Variants in PTH2R observed in about 807,000 individuals in gnomAD.
The protein encoded by PTH2R is parathyroid hormone 2 receptor.
PTH2R carries 59 observed loss-of-function variants against 60.3 expected under a neutral mutation model. That is an observed-to-expected ratio of 0.98 (90% CI 0.79 to 1.22). PTH2R has a LOEUF of 1.22. Among genes scored for constraint, PTH2R ranks in the 50% most tolerant of loss-of-function variants. The probability of loss-of-function intolerance (pLI) is 0.00; values close to 1 mark genes in which losing one functional copy is unlikely to be tolerated. For synonymous variants in PTH2R, 256 were observed against 243.8 expected (o/e 1.05, Z -0.47); for missense variants, 749 against 682.6 (o/e 1.10, Z -1.08).
intron 11 of PTH2R, among the ~76,000 whole-genome samples, chr2:208,490,278 C>T (rs993538035): frequency 6.6e-6 from 1 of 152,012 alleles, no homozygotes; most frequent in Non-Finnish European, 1.5e-5. Context: ...CCATACAATA[C>T]TTTATGTTTG....
chr2:208,384,250 C>T (rs1055785146), intron 1 of PTH2R, among the ~76,000 whole-genome samples: 2 of 152,052 alleles, frequency 1.3e-5, no homozygotes, highest in South Asian at 2.1e-4. Context: ...TAGAAAGAGA[C>T]GGGGAGGACA....
intron 1 of PTH2R, among the ~76,000 whole-genome samples, chr2:208,414,903 TA>T (rs928293870): frequency 1.3e-5 from 2 of 150,666 alleles, no homozygotes; most frequent in Admixed American, 6.6e-5. Context: ...GAGAAAACCA[TA>T]AAAAAAAACC....
chr2:208,462,007 C>T (rs1419455635), intron 9 of PTH2R, among the ~76,000 whole-genome samples: 1 of 152,200 alleles, frequency 6.6e-6, no homozygotes, highest in Non-Finnish European at 1.5e-5. Flanking sequence ...TTCTGAAGTA[C>T]TTTTCCTATA....
intron 1 of PTH2R, among the ~76,000 whole-genome samples, chr2:208,410,662 C>A (rs970826793): frequency 2.0e-5 from 3 of 152,064 alleles, no homozygotes; most frequent in African/African-American, 7.2e-5. Flanking sequence ...TAACATGTGA[C>A]AGAAACAATA....
At chr2:208,441,838 T>A (rs1216091976) in intron 4 of PTH2R, among the ~76,000 whole-genome samples, 2 of 152,218 alleles carry the variant, frequency 1.3e-5, no homozygotes, top group Non-Finnish European at 2.9e-5. Flanking sequence ...GATATTTTAG[T>A]AAAATTACAT....
At chr2:208,407,147 T>G in intron 1 of PTH2R, 29 bp downstream of exon 1, 1 of 1,400,860 alleles carries the variant, frequency 7.1e-7, no homozygotes, top group Non-Finnish European at 9.3e-7. Context: ...CGACACCTGT[T>G]TTCGCGGAGC....
chr2:208,391,748 T>C (rs1360941069), intron 1 of PTH2R, among the ~76,000 whole-genome samples: 3 of 152,192 alleles, frequency 2.0e-5, no homozygotes, highest in African/African-American at 7.2e-5. Flanking sequence ...CTTAATCCGC[T>C]CTTTCCCTAA....
chr2:208,386,324 CTATA>C (rs762607621), intron 1 of PTH2R, among the ~76,000 whole-genome samples: 3 of 152,140 alleles, frequency 2.0e-5, no homozygotes, highest in Non-Finnish European at 2.9e-5. Flanking sequence ...AAGCAGATAG[CTATA>C]TATATGGTAT....
intron 1 of PTH2R, among the ~76,000 whole-genome samples, chr2:208,427,962 T>A (rs1056906435): frequency 6.6e-6 from 1 of 152,012 alleles, no homozygotes; most frequent in African/African-American, 2.4e-5. Context: ...CCTAACTATA[T>A]TAAAATTTTC....
rs182349621 is a variant in PTH2R, at chr2:208,445,515, A to G, written c.853+628A>G. Among the ~76,000 whole-genome samples the G allele has an allele frequency of 2.6e-5, 4 of 152,324 alleles. No individual in the cohort carries two copies. In the East Asian group the frequency reaches 7.7e-4, roughly 29 times the overall value. On this transcript the variant is annotated intron_variant, in intron 7 of 12. Transcript: ENST00000272847. Reference sequence around the variant, plus strand: ...ACTGACTCAACATGACATGGAGAAAAGAAATTGTTTGCTTGTTAAAAATTA... The same window carrying G: ...ACTGACTCAACATGACATGGAGAAAGGAAATTGTTTGCTTGTTAAAAATTA...
intron 8 of PTH2R, among the ~76,000 whole-genome samples, chr2:208,459,113 T>G (rs1702580406): frequency 6.6e-6 from 1 of 152,154 alleles, no homozygotes; most frequent in Admixed American, 6.6e-5. Flanking sequence ...CTCACCAGCA[T>G]CTGTTATTTC....
intron 4 of PTH2R, among the ~76,000 whole-genome samples, chr2:208,438,670 A>G (rs1003211605): frequency 6.6e-6 from 1 of 152,204 alleles, no homozygotes; most frequent in Non-Finnish European, 1.5e-5. Flanking sequence ...TGATGCTAAG[A>G]GTTAATGTGA....
intron 1 of PTH2R, among the ~76,000 whole-genome samples, chr2:208,400,924 A>T (rs1216242671): frequency 6.6e-6 from 1 of 152,190 alleles, no homozygotes; most frequent in African/African-American, 2.4e-5. Context: ...GAGAGAATAA[A>T]AGCAAATTTC....
At chr2:208,417,692 G>A (rs1425644244) in intron 1 of PTH2R, among the ~76,000 whole-genome samples, 1 of 151,772 alleles carries the variant, frequency 6.6e-6, no homozygotes, top group Non-Finnish European at 1.5e-5. Context: ...TGGGATTATG[G>A]GCACATGCCA....
At position 208,382,348 on chromosome 2, in the gene PTH2R, T is replaced by C. The variant is rs946674438; in HGVS notation, c.-259+22111T>C. ...ACGGGAGTGGAATTGCTAGATCATATGGTAAATACTCTGTATACTTAAAAT... is the reference window on the plus strand; with the variant it reads ...ACGGGAGTGGAATTGCTAGATCATACGGTAAATACTCTGTATACTTAAAAT... On this transcript the variant is annotated intron_variant, in intron 1 of 12. Transcript: ENST00000617735. Among the ~76,000 whole-genome samples the C allele has an allele frequency of 3.9e-5, 6 of 152,234 alleles. No homozygotes were observed. The South Asian group carries it at 1.2e-3, about 32-fold the overall frequency.
At chr2:208,450,727 C>T in intron 7 of PTH2R, 22 bp from the exon 8 acceptor site, 1 of 1,611,990 alleles carries the variant, frequency 6.2e-7, no homozygotes, top group South Asian at 1.1e-5. Context: ...AATCTAGTCT[C>T]TGAATCATTT....
At chr2:208,484,837 T>A (rs370109485) in intron 10 of PTH2R, among the ~76,000 whole-genome samples, 5 of 152,324 alleles carry the variant, frequency 3.3e-5, no homozygotes, top group African/African-American at 1.2e-4. Flanking sequence ...CTCTATCCTC[T>A]CTTGGCAATG....
In PTH2R at chr2:208,380,088, A is replaced by G. The variant is rs370143168; in HGVS notation, c.-259+19851A>G. Among the ~76,000 whole-genome samples, 3 of 152,118 alleles carry G rather than the reference A, an allele frequency of 2.0e-5. No homozygotes were observed. The East Asian group carries it at 5.8e-4, about 29-fold the overall frequency. ...CTAAGGACAGCCATGAGGTCAATGA[A>G]TAACATGTGTCAGGTTTCCCTGGCA... On this transcript the variant is annotated intron_variant, in intron 1 of 12. Coordinates refer to the PTH2R transcript ENST00000617735.
chr2:208,359,765 A>G (rs536026138), exon 1 of PTH2R: 1 of 154,174 alleles, frequency 6.5e-6, no homozygotes, highest in African/African-American at 2.4e-5. Flanking sequence ...TCCCTCCCAC[A>G]GGAACTCACA....
Sources: allele counts gnomAD v4.1 joint callset (sites outside exome capture counted in the v4.1 genomes callset), GRCh38; gene constraint gnomAD v4.1.1; transcripts MANE v1.5; gene names NCBI Gene and HGNC (gene_info 2026-07-23, HGNC 2026-07-21).